Variants in PDP1 observed in about 807,000 individuals in gnomAD.
The protein encoded by PDP1 is pyruvate dehyrogenase phosphatase catalytic subunit 1.
A neutral mutation model predicts 37.1 loss-of-function variants in PDP1; 14 were observed. The observed-to-expected ratio is 0.38, with a 90% confidence interval of 0.25 to 0.59. The LOEUF (loss-of-function observed/expected upper bound fraction) is 0.59. PDP1 is among the 20% of genes least tolerant of loss of function. The pLI, the probability that PDP1 is intolerant of heterozygous loss-of-function variation, is 0.67. For missense variants in PDP1, 544 were observed against 655.3 expected, an observed-to-expected ratio of 0.83 and a Z score of 1.85; for synonymous variants, 251 against 243.3, an observed-to-expected ratio of 1.03 and a Z score of -0.29.
rs1217762974 is a variant in PDP1, at chr8:93,923,063, A to T, written c.1004A>T (p.Lys335Met). ...TTGGAACATCCAAAGAGTGAGGCCA[A>T]GAGTGTCGTGAAACAGGATCGGCTG... ...LKLEHPKSEA[K>M]SVVKQDRLLG... The change falls in exon 2 of 2, where the codon AAG becomes ATG. Residue 335 changes from lysine to methionine, a missense_variant. Lys to Met is a moderately conservative substitution (Grantham distance 95). Transcript: ENST00000297598. This position sits in a 1 kb window ranked among gnomAD's most constrained non-coding sequence, Gnocchi z 4.3. 1 of 1,614,240 alleles carries T rather than the reference A, an allele frequency of 6.2e-7. No individual in the cohort carries two copies. The highest frequency in any genetic ancestry group is 8.5e-7 in the Non-Finnish European group (1 of 1,180,036).
At chr8:93,920,131 G>A (rs553541980) in intron 1 of PDP1, among the ~76,000 whole-genome samples, 2 of 152,282 alleles carry the variant, frequency 1.3e-5, no homozygotes, top group South Asian at 4.1e-4. Context: ...CTTAGATAGT[G>A]CAGTTAAAAT....
chr8:93,923,047 C>T lies in PDP1; in HGVS notation c.988C>T (p.Pro330Ser). 6.2e-7 allele frequency: 1 copy of T among 1,614,178 alleles called. No individual in the cohort carries two copies. The highest frequency in any genetic ancestry group is 8.5e-7 in the Non-Finnish European group (1 of 1,180,042). ...RELERLKLEH[P>S]KSEAKSVVKQ... ...ACTAGAACGGCTGAAATTGGAACAT[C>T]CAAAGAGTGAGGCCAAGAGTGTCGT... Residue 330 changes from proline to serine, a missense_variant, in exon 2 of 2, where the codon CCA becomes TCA. This residue lies in a region of PDP1 where 342 missense variants were observed against 414.0 expected (regional missense o/e 0.83). Coordinates refer to ENST00000297598, the MANE Select transcript of PDP1 (RefSeq NM_018444.4). This position sits in a 1 kb window ranked among gnomAD's most constrained non-coding sequence, Gnocchi z 4.3.
In PDP1 at chr8:93,923,329, A is replaced by C; in HGVS notation, c.1270A>C (p.Met424Leu). The change falls in exon 2 of 2, where the codon ATG becomes CTG. Residue 424 changes from methionine (M) to leucine (L), a missense_variant. Transcript: ENST00000297598. This position sits in a 1 kb window ranked among gnomAD's most constrained non-coding sequence, Gnocchi z 4.3. ...VLATDGLWETMHRQDVVRIVG... is the reference protein window; with the variant it reads ...VLATDGLWETLHRQDVVRIVG... ...GGCTACTGATGGGTTGTGGGAGACT[A>C]TGCATAGGCAGGATGTGGTTAGGAT... The C allele has an allele frequency of 4.3e-6, 7 of 1,614,170 alleles. No homozygotes were observed. Among genetic ancestry groups the C allele is most frequent in the Non-Finnish European group, 5.1e-6 (6 of 1,180,012 alleles).
Position 93,923,777 on chromosome 8 carries a change from C to A in PDP1, c.*104C>A. 1 of 1,002,186 alleles carries A rather than the reference C, an allele frequency of 1.0e-6. No individual in the cohort carries two copies. Among genetic ancestry groups the A allele is most frequent in the Non-Finnish European group, 1.6e-6 (1 of 632,320 alleles). The allele number at this position is 1,002,186 out of a possible 1,614,324, so 62.1% of individuals were successfully genotyped here. A position where few individuals can be genotyped will look rare whatever the true frequency, so the allele number is the denominator to read the frequency against. On this transcript the variant is annotated 3_prime_UTR_variant, in exon 2 of 2. Transcript: ENST00000297598. This position sits in a 1 kb window ranked among gnomAD's most constrained non-coding sequence, Gnocchi z 4.3. ...AACATTTCCAGTTGGTCATTCTAAG[C>A]ATTTACCCTTTTGATACTCTAGCTA...
At position 93,917,096 on chromosome 8, in the gene PDP1, C is replaced by T. The variant is rs779128526; in HGVS notation, c.-45+17C>T. On this transcript the variant is annotated intron_variant, in intron 1 of 1. Transcript: ENST00000297598. ...CCGTGCCCGGTTCGTATTCCCTACTCCCTGCCACGAGCCGCCCCGTCCGGG... is the reference window on the plus strand; with the variant it reads ...CCGTGCCCGGTTCGTATTCCCTACTTCCTGCCACGAGCCGCCCCGTCCGGG... 2.1e-6 allele frequency: 1 copy of T among 467,316 alleles called. No individual in the cohort carries two copies. The highest frequency in any genetic ancestry group is 4.2e-6 in the Non-Finnish European group (1 of 236,876). The allele number at this position is 467,316 out of a possible 1,614,324, so 28.9% of individuals were successfully genotyped here. A position where few individuals can be genotyped will look rare whatever the true frequency, so the allele number is the denominator to read the frequency against.
At chr8:93,918,758 G>A (rs919633075) in intron 1 of PDP1, among the ~76,000 whole-genome samples, 1 of 152,210 alleles carries the variant, frequency 6.6e-6, no homozygotes, top group Non-Finnish European at 1.5e-5. Flanking sequence ...AAGTTATGAT[G>A]TAGAGTGTTT....
Position 93,925,037 on chromosome 8 carries a change from T to G in PDP1, c.*1364T>G. ...CTGTGCACATATTGTCATCACTTAT[T>G]CTAGCATCACTGTTAAGGCTGTGAT... On this transcript the variant is annotated 3_prime_UTR_variant, in exon 2 of 2. Transcript: ENST00000297598. The G allele has an allele frequency of 6.0e-6, 1 of 167,198 alleles. No homozygotes were observed. 10.4% of individuals were successfully genotyped at this position (167,198 alleles called of 1,614,324 possible). A position where few individuals can be genotyped will look rare whatever the true frequency, so the allele number is the denominator to read the frequency against.
chr8:93,917,012 G>T lies in PDP1; in HGVS notation c.-112G>T, dbSNP rs771944772. 2.1e-6 allele frequency: 1 copy of T among 478,134 alleles called. No homozygotes were observed. The highest frequency in any genetic ancestry group is 2.1e-5 in the Admixed American group (1 of 46,548). 29.6% of individuals were successfully genotyped at this position (478,134 alleles called of 1,614,324 possible). On this transcript the variant is annotated 5_prime_UTR_variant, in exon 1 of 2. Coordinates refer to ENST00000297598, the MANE Select transcript of PDP1 (RefSeq NM_018444.4). ...CTGCACGGGGCTGCGTGGAAAGAGC[G>T]CCGAGCGGTGGCGTCGTTGTCGCCC...
At position 93,922,688 on chromosome 8, in the gene PDP1, A is replaced by G; in HGVS notation, c.629A>G (p.Asn210Ser). Residue 210 changes from asparagine (N) to serine (S), a missense_variant, in exon 2 of 2, where the codon AAC becomes AGC. Asn to Ser is a conservative substitution (Grantham distance 46). Around this residue, in one of 5 missense-constraint regions of PDP1, gnomAD observed 342 missense variants for 414.0 expected, o/e 0.83. Transcript: ENST00000297598. This position sits in a 1 kb window ranked among gnomAD's most constrained non-coding sequence, Gnocchi z 4.0. ...AAGGAGGCATCCAAATTGTACTTTA[A>G]CAGCTTGAGGACTTACTGGCAAGAG... Reference protein sequence around the residue: ...FSKEASKLYFNSLRTYWQELI... With the variant: ...FSKEASKLYFSSLRTYWQELI... 2 of 1,614,132 alleles carry G rather than the reference A, an allele frequency of 1.2e-6. No homozygotes were observed. The highest frequency in any genetic ancestry group is 1.7e-6 in the Non-Finnish European group (2 of 1,180,012).
In PDP1 at chr8:93,925,548, C is replaced by T. The variant is rs892503598; in HGVS notation, c.*1875C>T. 6.0e-6 allele frequency: 1 copy of T among 166,674 alleles called. No individual in the cohort carries two copies. Among genetic ancestry groups the T allele is most frequent in the African/African-American group, 2.4e-5 (1 of 41,366 alleles). 10.3% of individuals were successfully genotyped at this position (166,674 alleles called of 1,614,324 possible). ...CAAATAATGTCTCATCTCTATAGTA[C>T]AGGGAATATAAAATTGGTTTCCTGT... is the stretch of plus-strand genomic sequence containing the variant. On this transcript the variant is annotated 3_prime_UTR_variant, in exon 2 of 2. Transcript: ENST00000297598.
chr8:93,917,511 G>A (rs894249481), intron 1 of PDP1, among the ~76,000 whole-genome samples: 1 of 151,928 alleles, frequency 6.6e-6, no homozygotes, highest in African/African-American at 2.4e-5. Context: ...CACCCCTGGG[G>A]CGGGGCCGGG....
chr8:93,920,971 T>C (rs1055944721), intron 1 of PDP1: 15 of 984,112 alleles, frequency 1.5e-5, no homozygotes, highest in African/African-American at 7.0e-5. Context: ...GTTTTCCTTA[T>C]AGCTGCTAAG....
At position 93,924,124 on chromosome 8, in the gene PDP1, C is replaced by G. The variant is rs1810370988; in HGVS notation, c.*451C>G. ...TTGCATGATTTTCTAGATACACAGT[C>G]TATGCATTATTCATATACATTTATT... On this transcript the variant is annotated 3_prime_UTR_variant, in exon 2 of 2. Coordinates refer to ENST00000297598, the MANE Select transcript of PDP1 (RefSeq NM_018444.4). 1 of 185,814 alleles carries G rather than the reference C, an allele frequency of 5.4e-6. No homozygotes were observed. Among genetic ancestry groups the G allele is most frequent in the Non-Finnish European group, 1.3e-5 (1 of 78,844 alleles). 11.5% of individuals were successfully genotyped at this position (185,814 alleles called of 1,614,324 possible).
rs1158315464 is a variant in PDP1 at position 93,922,649 on chromosome 8, A to G, written c.590A>G (p.Asn197Ser). ...ATTCTCCAGTGGCACAAGCACCCCA[A>G]TGATTACTTTAGTAAGGAGGCATCC... Reference protein sequence around the residue: ...LPILQWHKHPNDYFSKEASKL... With the variant: ...LPILQWHKHPSDYFSKEASKL... The change falls in exon 2 of 2, where the codon AAT becomes AGT. Residue 197 changes from asparagine (N) to serine (S), a missense_variant. Physicochemically the swap from Asn to Ser is conservative, Grantham distance 46. Transcript: ENST00000297598. This position sits in a 1 kb window ranked among gnomAD's most constrained non-coding sequence, Gnocchi z 4.0. 6 of 1,614,034 alleles carry G rather than the reference A, an allele frequency of 3.7e-6. No homozygotes were observed. The highest frequency in any genetic ancestry group is 1.1e-5 in the South Asian group (1 of 91,078).
In PDP1 at chr8:93,923,851, G is replaced by A. The variant is rs1810364338; in HGVS notation, c.*178G>A. 3.2e-6 allele frequency: 2 copies of A among 630,722 alleles called. No homozygotes were observed. The highest frequency in any genetic ancestry group is 2.3e-5 in the Admixed American group (1 of 43,086). 39.1% of individuals were successfully genotyped at this position (630,722 alleles called of 1,614,324 possible). A position where few individuals can be genotyped will look rare whatever the true frequency, so the allele number is the denominator to read the frequency against. The stretch of plus-strand genomic sequence containing the variant: ...GCAGCAGGGTGGCAGGGTCAGGAGA[G>A]TCTGGTCCTGCCTAGCTCAGATTTC... On this transcript the variant is annotated 3_prime_UTR_variant, in exon 2 of 2. Coordinates refer to ENST00000297598, the MANE Select transcript of PDP1 (RefSeq NM_018444.4). The surrounding 1 kb of genome is among the most constrained non-coding windows in gnomAD (Gnocchi z 4.3).
chr8:93,917,794 C>T, intron 1 of PDP1: 4 of 1,581,884 alleles, frequency 2.5e-6, no homozygotes, highest in Non-Finnish European at 3.4e-6. Context: ...CTCCCGCCTC[C>T]CCGCCGCCGC....
At chr8:93,920,923 C>A (rs1200911063) in intron 1 of PDP1, 2 of 980,200 alleles carry the variant, frequency 2.0e-6, no homozygotes, top group Non-Finnish European at 2.4e-6. Context: ...GGGGTTAATT[C>A]TACTTTGGAT....
chr8:93,923,691 G>A lies in PDP1; in HGVS notation c.*18G>A. On this transcript the variant is annotated 3_prime_UTR_variant, in exon 2 of 2. Transcript: ENST00000297598. This position sits in a 1 kb window ranked among gnomAD's most constrained non-coding sequence, Gnocchi z 4.3. ...AAGAATAGTGAGTGGCTCTTTCACT[G>A]GCAATTCTCAAATGATATACATTTA... 6.3e-7 allele frequency: 1 copy of A among 1,575,510 alleles called. No individual in the cohort carries two copies. Among genetic ancestry groups the A allele is most frequent in the Non-Finnish European group, 8.7e-7 (1 of 1,145,254 alleles).
intron 1 of PDP1, among the ~76,000 whole-genome samples, chr8:93,918,304 C>T (rs1810151692): frequency 6.6e-6 from 1 of 152,154 alleles, no homozygotes; most frequent in Non-Finnish European, 1.5e-5. Flanking sequence ...AACTGGGGTT[C>T]CGACACATTA....
Sources: gnomAD v4.1 joint callset for allele counts (sites outside exome capture counted in the v4.1 genomes callset) on GRCh38, gnomAD v4.1.1 for gene constraint, gnomAD v4.1.1 regional missense constraint, Gnocchi (gnomAD v3.1) non-coding constraint, MANE v1.5 for transcripts, NCBI Gene and HGNC (gene_info 2026-07-23, HGNC 2026-07-21) for gene names.